The following LAMA4 variants were observed in gnomAD, a reference collection of about 807,000 sequenced individuals.
LAMA4 encodes the protein laminin subunit alpha 4, also known as laminin subunit alpha-4.
In LAMA4, 127 loss-of-function variants were observed where a neutral mutation model predicts 207.1. The observed-to-expected ratio is 0.61, with a 90% CI of 0.53 to 0.71. LAMA4 has a LOEUF of 0.71. LAMA4 is among the 30% of genes least tolerant of loss of function. LAMA4 has a pLI of 0.00. For synonymous variants in LAMA4, 761 were observed against 816.0 expected (o/e 0.93, Z 1.15); for missense variants, 2,093 against 2,246.5 (o/e 0.93, Z 1.38).
In LAMA4 at chr6:112,254,160, G is replaced by C. The variant is rs2114489514; in HGVS notation, c.-10C>G. On this transcript the variant is annotated 5_prime_UTR_variant, in exon 2 of 39. It introduces an in-frame stop codon into an upstream open reading frame of the 5' UTR. Coordinates refer to ENST00000230538, the MANE Select transcript of LAMA4 (RefSeq NM_001105206.3). Reference sequence around the variant, plus strand: ...CTGAGCTCAAAGCCATTTCTCCGCTGACATCCAGTAGTGCTCTTCCAGGGC... The same window carrying C: ...CTGAGCTCAAAGCCATTTCTCCGCTCACATCCAGTAGTGCTCTTCCAGGGC... The C allele has an allele frequency of 1.9e-6, 3 of 1,612,664 alleles. No homozygotes were observed. The Middle Eastern group carries it at 5.1e-4, about 275-fold the overall frequency.
At chr6:112,147,998 A>G (rs1780138990) in intron 18 of LAMA4, among the ~76,000 whole-genome samples, 159 bp downstream of exon 18, 1 of 152,250 alleles carries the variant, frequency 6.6e-6, no homozygotes, top group African/African-American at 2.4e-5. Context: ...AGATAGATAG[A>G]TAGATGAACA....
chr6:112,145,504 C>T (rs538619799), intron 18 of LAMA4, among the ~76,000 whole-genome samples: 176 of 152,282 alleles, frequency 1.2e-3, no homozygotes, highest in African/African-American at 3.9e-3. Context: ...AAGAGCAAGC[C>T]GACTGCTCAG....
chr6:112,167,689 T>C (rs1245829174), intron 12 of LAMA4, among the ~76,000 whole-genome samples: 1 of 152,166 alleles, frequency 6.6e-6, no homozygotes, highest in African/African-American at 2.4e-5. Context: ...TACTTGACAG[T>C]GCTCCAAGCA....
At chr6:112,249,197 C>T (rs1483444137) in intron 2 of LAMA4, among the ~76,000 whole-genome samples, 1 of 152,082 alleles carries the variant, frequency 6.6e-6, no homozygotes, top group Non-Finnish European at 1.5e-5. Context: ...GTAATCCCAG[C>T]ACTTTGGGAG....
chr6:112,135,461 G>A (rs1779283906), intron 25 of LAMA4, among the ~76,000 whole-genome samples: 1 of 152,150 alleles, frequency 6.6e-6, no homozygotes, highest in East Asian at 1.9e-4. Flanking sequence ...ATTCTCATGA[G>A]GCTATGGACT....
intron 24 of LAMA4, 117 bp from the exon 25 acceptor site, chr6:112,136,371 G>T: frequency 1.2e-6 from 1 of 836,784 alleles, no homozygotes; most frequent in Non-Finnish European, 1.9e-6. Flanking sequence ...TGAAGACTAA[G>T]AAAGTCTCAT....
intron 5 of LAMA4, among the ~76,000 whole-genome samples, chr6:112,192,120 C>G (rs542133545): frequency 6.6e-6 from 1 of 152,170 alleles, no homozygotes; most frequent in Non-Finnish European, 1.5e-5. Context: ...GTATATCCAG[C>G]CAGGGAACTG....
At chr6:112,221,456 C>T (rs797027904) in intron 2 of LAMA4, among the ~76,000 whole-genome samples, 28 of 152,168 alleles carry the variant, frequency 1.8e-4, no homozygotes, top group African/African-American at 6.0e-4. Context: ...AAAAACAAAC[C>T]CAAAATCCCT....
chr6:112,115,801 T>G (rs1322532733), intron 36 of LAMA4, 62 bp downstream of exon 36: 13 of 1,493,456 alleles, frequency 8.7e-6, no homozygotes, highest in Non-Finnish European at 1.2e-5. Flanking sequence ...GAAATAAATC[T>G]GCTTCAGATC....
At chr6:112,235,340 A>G (rs1785843189) in intron 2 of LAMA4, among the ~76,000 whole-genome samples, 1 of 152,178 alleles carries the variant, frequency 6.6e-6, no homozygotes, top group Admixed American at 6.5e-5. Flanking sequence ...TTGCTGTTAG[A>G]AGACTAGGGT....
chr6:112,228,383 G>A (rs908213057), intron 2 of LAMA4, among the ~76,000 whole-genome samples: 2 of 152,178 alleles, frequency 1.3e-5, no homozygotes, highest in African/African-American at 4.8e-5. Context: ...CTTTTGGGAA[G>A]GCTTCCTCTA....
At chr6:112,141,225 AGGG>A in intron 21 of LAMA4, 130 bp downstream of exon 21, 1 of 941,458 alleles carries the variant, frequency 1.1e-6, no homozygotes, top group Non-Finnish European at 1.7e-6. Context: ...GCAAGAATAA[AGGG>A]AGGAAAATGC....
intron 10 of LAMA4, among the ~76,000 whole-genome samples, chr6:112,177,359 T>C (rs1403235423): frequency 1.3e-5 from 2 of 152,182 alleles, no homozygotes; most frequent in African/African-American, 4.8e-5. Context: ...GCACTTGGTG[T>C]TGTCATCCAG....
At position 112,188,786 on chromosome 6, in the gene LAMA4, G is replaced by GAA. The variant is rs1181062003; in HGVS notation, c.814+323_814+324insTT. 6.6e-5 allele frequency: 19 copies of GAA among 288,852 alleles called. No homozygotes were observed. The East Asian group carries it at 1.4e-3, about 21-fold the overall frequency. 17.9% of individuals were successfully genotyped at this position (288,852 alleles called of 1,614,324 possible). A position where few individuals can be genotyped will look rare whatever the true frequency, so the allele number is the denominator to read the frequency against. On this transcript the variant is annotated intron_variant, in intron 7 of 38. Transcript: ENST00000230538. ...CGTCGTATTTTCAGGGACCTGAAGA[G>GAA]ACGATATAGGAAAAGGAGCTGAAAA... is the stretch of plus-strand genomic sequence containing the variant.
chr6:112,190,972 CT>C (rs1487913706), intron 6 of LAMA4, among the ~76,000 whole-genome samples: 2 of 125,814 alleles, frequency 1.6e-5, no homozygotes, highest in African/African-American at 3.2e-5. Flanking sequence ...TTCTTTCTTT[CT>C]TTCTTTCTTT....
intron 38 of LAMA4, among the ~76,000 whole-genome samples, chr6:112,113,583 G>A (rs1777831838): frequency 6.6e-6 from 1 of 152,148 alleles, no homozygotes; most frequent in African/African-American, 2.4e-5. Flanking sequence ...AATTGCAGCT[G>A]GGAACCTCTC....
intron 10 of LAMA4, among the ~76,000 whole-genome samples, chr6:112,176,637 G>A (rs1782041123): frequency 6.6e-6 from 1 of 152,182 alleles, no homozygotes; most frequent in African/African-American, 2.4e-5. Flanking sequence ...TAAACTAAAT[G>A]TAAATATTTT....
intron 13 of LAMA4, among the ~76,000 whole-genome samples, chr6:112,162,397 A>C (rs1301470568): frequency 3.3e-5 from 5 of 152,088 alleles, no homozygotes; most frequent in African/African-American, 1.2e-4. Context: ...GCTTGAACCC[A>C]GGAGGCAGAG....
At position 112,139,833 on chromosome 6, in the gene LAMA4, G is replaced by A. The variant is rs201431614; in HGVS notation, c.3029C>T (p.Thr1010Ile). The change falls in exon 23 of 39, where the codon ACT becomes ATT. Residue 1010 changes from threonine (T) to isoleucine (I), a missense_variant. By Grantham distance (89) the Thr-to-Ile change is moderately conservative (BLOSUM62 -1). Around this residue, in one of 3 missense-constraint regions of LAMA4, gnomAD observed 1,704 missense variants for 1,788.4 expected, o/e 0.95. Coordinates refer to ENST00000230538, the MANE Select transcript of LAMA4 (RefSeq NM_001105206.3). ...PGFVGCLELA[T>I]LNNDVISLYN... is the part of the protein sequence containing the mutation. ...CAAGCTGATCACATCATTATTCAAA[G>A]TGGCCAGTTCCAGGCAGCCAACAAA... 5 of 1,614,064 alleles carry A rather than the reference G, an allele frequency of 3.1e-6. No individual in the cohort carries two copies. The highest frequency in any genetic ancestry group is 1.1e-5 in the South Asian group (1 of 91,086).
Sources: gnomAD v4.1 joint callset for allele counts (sites outside exome capture counted in the v4.1 genomes callset) on GRCh38, gnomAD v4.1.1 for gene constraint, gnomAD v4.1.1 regional missense constraint, MANE v1.5 for transcripts, NCBI Gene and HGNC (gene_info 2026-07-23, HGNC 2026-07-21) for gene names.